Variants in ASIC2 observed in about 807,000 individuals in gnomAD.
ASIC2 encodes the protein acid-sensing ion channel 2.
A neutral mutation model predicts 57.3 loss-of-function variants in ASIC2; 25 were observed. That is an observed-to-expected ratio of 0.44 (90% CI 0.32 to 0.61). The LOEUF is 0.61. ASIC2 is among the 20% of genes least tolerant of loss of function. The pLI is 0.06. For synonymous variants in ASIC2, 319 were observed against 307.5 expected, an observed-to-expected ratio of 1.04 and a Z score of -0.39; for missense variants, 641 against 738.1, an observed-to-expected ratio of 0.87 and a Z score of 1.52.
chr17:33,159,723 A>G (rs959485128), intron 1 of ASIC2, among the ~76,000 whole-genome samples: 3 of 152,208 alleles, frequency 2.0e-5, no homozygotes, highest in Non-Finnish European at 4.4e-5. Context: ...AGATTTATGT[A>G]GTGCATAAGA....
chr17:33,511,934 T>C (rs907747744), intron 1 of ASIC2, among the ~76,000 whole-genome samples: 9 of 152,296 alleles, frequency 5.9e-5, no homozygotes, highest in African/African-American at 1.7e-4. Context: ...CATGTGGTAA[T>C]GCAAACCACA....
intron 1 of ASIC2, among the ~76,000 whole-genome samples, chr17:33,835,347 A>C (rs12600586): frequency 0.13 from 20,381 of 152,142 alleles, 2,363 homozygotes; most frequent in East Asian, 0.37. Flanking sequence ...TCCAGCCGTC[A>C]GTACTTTGTA....
intron 1 of ASIC2, among the ~76,000 whole-genome samples, chr17:33,193,875 G>T (rs1906524910): frequency 6.6e-6 from 1 of 152,160 alleles, no homozygotes; most frequent in Admixed American, 6.5e-5. Flanking sequence ...AGCTTACTTG[G>T]TTGCCTTCCT....
chr17:33,111,122 C>A (rs550659962), intron 2 of ASIC2, among the ~76,000 whole-genome samples: 1 of 152,304 alleles, frequency 6.6e-6, no homozygotes, highest in African/African-American at 2.4e-5. Flanking sequence ...TTCTGTCTGA[C>A]CTTCCTGAGC....
At chr17:33,555,830 C>G (rs1268380181) in intron 1 of ASIC2, among the ~76,000 whole-genome samples, 1 of 152,134 alleles carries the variant, frequency 6.6e-6, no homozygotes, top group South Asian at 2.1e-4. Context: ...GGTTTAAGTA[C>G]ATTTTCAAGG....
At chr17:33,662,944 C>G (rs181098836) in intron 1 of ASIC2, among the ~76,000 whole-genome samples, 26 of 152,076 alleles carry the variant, frequency 1.7e-4, no homozygotes, top group Non-Finnish European at 3.4e-4. Flanking sequence ...CGTATTCAAC[C>G]CGGGTAGTAG....
intron 1 of ASIC2, among the ~76,000 whole-genome samples, chr17:33,873,477 G>A (rs1235055808): frequency 1.3e-5 from 2 of 152,138 alleles, no homozygotes; most frequent in East Asian, 1.9e-4. Context: ...TCCTTGACAG[G>A]CATTGTGGTG....
chr17:33,525,736 C>G (rs1914868661), intron 1 of ASIC2, among the ~76,000 whole-genome samples: 1 of 152,190 alleles, frequency 6.6e-6, no homozygotes, highest in African/African-American at 2.4e-5. Flanking sequence ...ATCTTAGCAG[C>G]TTTGCTTTTC....
At chr17:33,278,752 C>T (rs889180945) in intron 1 of ASIC2, among the ~76,000 whole-genome samples, 1 of 152,050 alleles carries the variant, frequency 6.6e-6, no homozygotes, top group Middle Eastern at 3.2e-3. Flanking sequence ...AATGAGTCCA[C>T]ATATATTTTT....
intron 1 of ASIC2, among the ~76,000 whole-genome samples, chr17:33,482,500 A>G (rs745764197): frequency 2.6e-5 from 4 of 152,158 alleles, no homozygotes; most frequent in Non-Finnish European, 4.4e-5. Flanking sequence ...GTAATATCCC[A>G]TATTCTCGAG....
chr17:34,043,619 A>G (rs1399473624), intron 1 of ASIC2, among the ~76,000 whole-genome samples: 3 of 152,262 alleles, frequency 2.0e-5, no homozygotes, highest in Non-Finnish European at 4.4e-5. Context: ...TCCATGCAGA[A>G]AGTAGACATT....
chr17:33,829,456 G>A (rs1913037586), intron 1 of ASIC2, among the ~76,000 whole-genome samples: 2 of 152,172 alleles, frequency 1.3e-5, no homozygotes, highest in South Asian at 2.1e-4. Context: ...AGTCACCTGG[G>A]GGAGAGCAGA....
intron 1 of ASIC2, among the ~76,000 whole-genome samples, chr17:33,940,437 T>C (rs528269797): frequency 6.6e-6 from 1 of 152,314 alleles, no homozygotes; most frequent in Admixed American, 6.5e-5. Context: ...GACCCCACAG[T>C]GGGCCTAAAG....
chr17:33,045,912 C>T (rs2091952326), intron 3 of ASIC2, among the ~76,000 whole-genome samples: 1 of 152,216 alleles, frequency 6.6e-6, no homozygotes, highest in Non-Finnish European at 1.5e-5. Flanking sequence ...TGACCTTTCT[C>T]TATGTGAATT....
At chr17:33,754,981 A>G (rs1597862963) in intron 1 of ASIC2, among the ~76,000 whole-genome samples, 1 of 147,790 alleles carries the variant, frequency 6.8e-6, no homozygotes, top group East Asian at 2.0e-4. Flanking sequence ...AAAAAAAAAG[A>G]ACAGTTCCCT....
intron 1 of ASIC2, among the ~76,000 whole-genome samples, chr17:33,401,018 G>A (rs146732950): frequency 1.7e-4 from 26 of 151,990 alleles, no homozygotes; most frequent in South Asian, 4.2e-4. Context: ...ATGCCATATC[G>A]TCGTCACTCA....
chr17:33,788,927 A>G (rs1911685204), intron 1 of ASIC2, among the ~76,000 whole-genome samples: 1 of 152,116 alleles, frequency 6.6e-6, no homozygotes, highest in African/African-American at 2.4e-5. Context: ...AGGGGAGAGA[A>G]CTTAGATGAT....
At chr17:33,417,975 G>A (rs1597721446) in intron 1 of ASIC2, among the ~76,000 whole-genome samples, 2 of 150,390 alleles carry the variant, frequency 1.3e-5, no homozygotes, top group Non-Finnish European at 2.9e-5. Context: ...TGTTGACCCA[G>A]CTATCTTGGA....
chr17:33,769,157 G>A (rs1199220150), intron 1 of ASIC2, among the ~76,000 whole-genome samples: 2 of 152,238 alleles, frequency 1.3e-5, no homozygotes, highest in Non-Finnish European at 2.9e-5. Context: ...CACCCCATGT[G>A]ATGGGACCAG....
Sources: allele counts gnomAD v4.1 joint callset (sites outside exome capture counted in the v4.1 genomes callset), GRCh38; gene constraint gnomAD v4.1.1; transcripts MANE v1.5; gene names NCBI Gene and HGNC (gene_info 2026-07-23, HGNC 2026-07-21).